The following EMILIN3 variants were observed in gnomAD, a reference collection of about 807,000 sequenced individuals.
The protein encoded by EMILIN3 is EMILIN-3.
In EMILIN3, 38 loss-of-function variants were observed where a neutral mutation model predicts 42.8. The observed-to-expected ratio is 0.89, with a 90% CI of 0.69 to 1.16. The LOEUF is 1.16. Ranked by LOEUF, EMILIN3 falls within the 50% of genes most tolerant of loss-of-function variation. EMILIN3 has a pLI of 0.00. For missense variants in EMILIN3, 924 were observed against 999.5 expected (o/e 0.92, Z 1.02); for synonymous variants, 430 against 440.5 (o/e 0.98, Z 0.30).
chr20:41,366,327 G>A lies in EMILIN3; in HGVS notation c.167+141C>T. On this transcript the variant is annotated intron_variant, in intron 1 of 3. Coordinates refer to ENST00000332312, the MANE Select transcript of EMILIN3 (RefSeq NM_052846.2). The surrounding 1 kb of genome is among the most constrained non-coding windows in gnomAD (Gnocchi z 4.2). ...AGGGCGCTCGCCTGGGCAGGGGCTCGGCCCCGGGCGCCGCCCCCTCTGTGC... is the reference window on the plus strand; with the variant it reads ...AGGGCGCTCGCCTGGGCAGGGGCTCAGCCCCGGGCGCCGCCCCCTCTGTGC... 2 of 572,726 alleles carry A rather than the reference G, an allele frequency of 3.5e-6. No homozygotes were observed. Among genetic ancestry groups the A allele is most frequent in the Non-Finnish European group, 4.6e-6 (2 of 435,818 alleles). The allele number at this position is 572,726 out of a possible 1,614,324, so 35.5% of individuals were successfully genotyped here.
chr20:41,365,161 C>T lies in EMILIN3; in HGVS notation c.168-4G>A. 6 of 1,613,496 alleles carry T rather than the reference C, an allele frequency of 3.7e-6. No individual in the cohort carries two copies. The highest frequency in any genetic ancestry group is 5.1e-6 in the Non-Finnish European group (6 of 1,179,678). On this transcript the variant is annotated splice_polypyrimidine_tract_variant and splice_region_variant and intron_variant, in intron 1 of 3. Coordinates refer to ENST00000332312, the MANE Select transcript of EMILIN3 (RefSeq NM_052846.2). ...CACCACATAGGCACAGAGGGCCCTA[C>T]AGGAGAAAATGGCACCCCTGGAATA...
At position 41,366,312 on chromosome 20, in the gene EMILIN3, C is replaced by T. The variant is rs559253691; in HGVS notation, c.167+156G>A. On this transcript the variant is annotated intron_variant, in intron 1 of 3. Coordinates refer to ENST00000332312, the MANE Select transcript of EMILIN3 (RefSeq NM_052846.2). The surrounding 1 kb of genome is among the most constrained non-coding windows in gnomAD (Gnocchi z 4.2). ...AACCTCCCGGAGCGTAGGGCGCTCG[C>T]CTGGGCAGGGGCTCGGCCCCGGGCG... is the stretch of plus-strand genomic sequence containing the variant. 6.6e-6 allele frequency among the ~76,000 whole-genome samples: 1 copy of T among 151,860 alleles called. No homozygotes were observed. The highest frequency in any genetic ancestry group is 1.5e-5 in the Non-Finnish European group (1 of 67,834).
intron 2 of EMILIN3, 97 bp downstream of exon 2, chr20:41,364,938 A>G (rs945906809): frequency 2.4e-4 from 370 of 1,555,288 alleles, no homozygotes; most frequent in Non-Finnish European, 3.1e-4. Context: ...CTGGAGTCCA[A>G]GAAGCCCCTT....
rs1414349561 is a variant in EMILIN3 at position 41,360,618 on chromosome 20, G to A, written c.*650C>T. 1 of 152,918 alleles carries A rather than the reference G, an allele frequency of 6.5e-6. No homozygotes were observed. The highest frequency in any genetic ancestry group is 1.5e-5 in the Non-Finnish European group (1 of 68,258). 9.5% of individuals were successfully genotyped at this position (152,918 alleles called of 1,614,324 possible). A position where few individuals can be genotyped will look rare whatever the true frequency, so the allele number is the denominator to read the frequency against. ...TTCTGTTCTGTCCTGAAGGACACGTGAGGAGCCAGAAACATCTGGCAGCCT... is the reference window on the plus strand; with the variant it reads ...TTCTGTTCTGTCCTGAAGGACACGTAAGGAGCCAGAAACATCTGGCAGCCT... On this transcript the variant is annotated 3_prime_UTR_variant, in exon 4 of 4. Coordinates refer to ENST00000332312, the MANE Select transcript of EMILIN3 (RefSeq NM_052846.2).
intron 2 of EMILIN3, among the ~76,000 whole-genome samples, chr20:41,364,218 GAC>G (rs1385734728): frequency 6.6e-6 from 1 of 152,162 alleles, no homozygotes; most frequent in Non-Finnish European, 1.5e-5. Flanking sequence ...GGGAGAATCA[GAC>G]ACAGCCCCAG....
chr20:41,361,170 G>T lies in EMILIN3; in HGVS notation c.*98C>A. The T allele has an allele frequency of 8.0e-7, 1 of 1,251,774 alleles. No homozygotes were observed. The highest frequency in any genetic ancestry group is 1.1e-6 in the Non-Finnish European group (1 of 924,506). The allele number at this position is 1,251,774 out of a possible 1,614,324, so 77.5% of individuals were successfully genotyped here. The stretch of plus-strand genomic sequence containing the variant: ...GGCCTCCTTAGTGCCATTTGGGCTA[G>T]CCAGGGAAGGCTGGAAGGCGCTGCT... On this transcript the variant is annotated 3_prime_UTR_variant, in exon 4 of 4. Coordinates refer to ENST00000332312, the MANE Select transcript of EMILIN3 (RefSeq NM_052846.2).
At chr20:41,363,575 C>G (rs970242571) in intron 3 of EMILIN3, 63 bp downstream of exon 3, 41 of 1,491,028 alleles carry the variant, frequency 2.7e-5, no homozygotes, top group Non-Finnish European at 3.4e-5. Flanking sequence ...AGTCCCCTCC[C>G]TGCCCCTGCC....
chr20:41,362,548 A>C lies in EMILIN3; in HGVS notation c.1021T>G (p.Cys341Gly). 1 of 1,598,536 alleles carries C rather than the reference A, an allele frequency of 6.3e-7. No individual in the cohort carries two copies. Among genetic ancestry groups the C allele is most frequent in the East Asian group, 2.2e-5 (1 of 44,756 alleles). Reference protein sequence around the residue: ...DLRVQEVRRQCEEGQAASRRL... With the variant: ...DLRVQEVRRQGEEGQAASRRL... ...CGGCTGGCGGCCTGACCCTCCTCACATTGCCGCCGTACCTCCTGCACCCGC... is the reference window on the plus strand; with the variant it reads ...CGGCTGGCGGCCTGACCCTCCTCACCTTGCCGCCGTACCTCCTGCACCCGC... The change falls in exon 4 of 4, where the codon TGT becomes GGT. Residue 341 changes from cysteine to glycine, a missense_variant. Physicochemically the swap from Cys to Gly is radical, Grantham distance 159. Coordinates refer to ENST00000332312, the MANE Select transcript of EMILIN3 (RefSeq NM_052846.2).
rs750415002 is a variant in EMILIN3, at chr20:41,362,644, G to A, written c.925C>T (p.His309Tyr). ...LLEEYVDRRL[H>Y]RLWGSLLDGF... ...TCCAGCAGGCTCCCCCAGAGTCGGT[G>A]CAGCCGTCGGTCCACGTACTCCTCC... The change falls in exon 4 of 4, where the codon CAC becomes TAC. Residue 309 changes from histidine (H) to tyrosine (Y), a missense_variant. Transcript: ENST00000332312. 1.2e-6 allele frequency: 2 copies of A among 1,608,006 alleles called. No homozygotes were observed.
rs1406662348 is a variant in EMILIN3 at position 41,362,959 on chromosome 20, C to T, written c.610G>A (p.Val204Met). 1 of 1,613,482 alleles carries T rather than the reference C, an allele frequency of 6.2e-7. No individual in the cohort carries two copies. ...AQTYGTLSGLVASHEDPNRMT... is the reference protein window; with the variant it reads ...AQTYGTLSGLMASHEDPNRMT... ...CTGTTGGGATCCTCGTGGCTAGCCA[C>T]CAGGCCACTGAGGGTACCATATGTT... The change falls in exon 4 of 4, where the codon GTG (valine) becomes ATG (methionine). Residue 204 changes from valine to methionine, a missense_variant. Transcript: ENST00000332312.
At chr20:41,364,604 C>T (rs1401770128) in intron 2 of EMILIN3, among the ~76,000 whole-genome samples, 3 of 152,210 alleles carry the variant, frequency 2.0e-5, no homozygotes, top group African/African-American at 7.2e-5. Context: ...CCTCTCCCTG[C>T]CCCATGGCCT....
Position 41,361,105 on chromosome 20 carries a change from T to G in EMILIN3, c.*163A>C. 6.1e-6 allele frequency: 4 copies of G among 660,450 alleles called. No homozygotes were observed. Among genetic ancestry groups the G allele is most frequent in the Non-Finnish European group, 1.0e-5 (4 of 397,612 alleles). The allele number at this position is 660,450 out of a possible 1,614,324, so 40.9% of individuals were successfully genotyped here. A position where few individuals can be genotyped will look rare whatever the true frequency, so the allele number is the denominator to read the frequency against. ...CAGTTTCTGCAGCACTGTGCATGGG[T>G]TTTGGTGGCTGGGACAGCCACGTGG... is the stretch of plus-strand genomic sequence containing the variant. On this transcript the variant is annotated 3_prime_UTR_variant, in exon 4 of 4. Coordinates refer to ENST00000332312, the MANE Select transcript of EMILIN3 (RefSeq NM_052846.2).
Position 41,361,844 on chromosome 20 carries a change from C to T in EMILIN3, c.1725G>A (p.Gly575=). ...TCTCGCCTTGAAGTGAGCTGCCCGT[C>T]CCTTCTGCCAGCTGTCCCTGGACCT... ...VAEVQGQLAE[G]TGSSLQGEIT... is the part of the protein sequence containing the mutation. The change falls in exon 4 of 4, where the codon GGG becomes GGA. Residue 575 remains glycine (G), a synonymous_variant. Coordinates refer to ENST00000332312, the MANE Select transcript of EMILIN3 (RefSeq NM_052846.2). The T allele has an allele frequency of 6.2e-7, 1 of 1,613,588 alleles. No individual in the cohort carries two copies. The highest frequency in any genetic ancestry group is 8.5e-7 in the Non-Finnish European group (1 of 1,180,050).
At position 41,365,025 on chromosome 20, in the gene EMILIN3, G is replaced by A. The variant is rs201531818; in HGVS notation, c.290+10C>T. On this transcript the variant is annotated intron_variant, in intron 2 of 3. Coordinates refer to ENST00000332312, the MANE Select transcript of EMILIN3 (RefSeq NM_052846.2). ...GGGATTCCAAGTGTGTAGGTGAGGA[G>A]TGCACTTACGTGACTGTCCCGGGGC... 6.2e-7 allele frequency: 1 copy of A among 1,613,548 alleles called. No homozygotes were observed.
intron 3 of EMILIN3, 44 bp from the exon 4 acceptor site, chr20:41,363,098 C>T (rs117213816): frequency 0.012 from 17,550 of 1,444,372 alleles, 190 homozygotes; most frequent in Non-Finnish European, 0.013. Context: ...TGGCCTCACC[C>T]TCTCAGCTTG....
In EMILIN3 at chr20:41,362,322, G is replaced by C. The variant is rs776734689; in HGVS notation, c.1247C>G (p.Ala416Gly). 2 of 1,611,952 alleles carry C rather than the reference G, an allele frequency of 1.2e-6. No homozygotes were observed. Among genetic ancestry groups the C allele is most frequent in the Non-Finnish European group, 1.7e-6 (2 of 1,179,810 alleles). ...TETQRGPGAPAGDELTRLSAA... is the reference protein window; with the variant it reads ...TETQRGPGAPGGDELTRLSAA... ...AGAGAGCCTCGTAAGCTCATCCCCG[G>C]CCGGGGCACCGGGGCCCCTTTGGGT... Residue 416 changes from alanine (A) to glycine (G), a missense_variant, in exon 4 of 4, where the codon GCC (alanine) becomes GGC (glycine). Transcript: ENST00000332312.
chr20:41,362,152 G>C lies in EMILIN3; in HGVS notation c.1417C>G (p.Arg473Gly), dbSNP rs142119919. The change falls in exon 4 of 4, where the codon CGC becomes GGC. Residue 473 changes from arginine (R) to glycine (G), a missense_variant. Physicochemically the swap from Arg to Gly is moderately radical, Grantham distance 125. Coordinates refer to ENST00000332312, the MANE Select transcript of EMILIN3 (RefSeq NM_052846.2). ...VGGFGTMLEE[R>G]VQSLEERLAT... The stretch of plus-strand genomic sequence containing the variant: ...AGGCGCTCCTCGAGGCTCTGCACGC[G>C]CTCTTCCAGCATGGTCCCAAAGCCG... The C allele has an allele frequency of 6.2e-7, 1 of 1,610,772 alleles. No individual in the cohort carries two copies. The highest frequency in any genetic ancestry group is 8.5e-7 in the Non-Finnish European group (1 of 1,178,210).
At position 41,362,477 on chromosome 20, in the gene EMILIN3, C is replaced by T. The variant is rs1370285661; in HGVS notation, c.1092G>A (p.Gln364=). 6.3e-7 allele frequency: 1 copy of T among 1,599,524 alleles called. No homozygotes were observed. The highest frequency in any genetic ancestry group is 8.5e-7 in the Non-Finnish European group (1 of 1,179,478). ...GCTGGCTGCCCAGCTGTGACAGCTC[C>T]TGGCGCAGGGCCAGCTCCCGGCCAT... ...SLDGRELALR[Q]ELSQLGSQLQ... Residue 364 remains glutamine (Q), a synonymous_variant, in exon 4 of 4, where the codon CAG becomes CAA. Transcript: ENST00000332312.
chr20:41,361,980 A>G lies in EMILIN3; in HGVS notation c.1589T>C (p.Leu530Pro), dbSNP rs750293313. The change falls in exon 4 of 4, where the codon CTG becomes CCG. Residue 530 changes from leucine to proline, a missense_variant. Leu to Pro is a moderately conservative substitution (Grantham distance 98). Coordinates refer to ENST00000332312, the MANE Select transcript of EMILIN3 (RefSeq NM_052846.2). ...CTTCACCTCTGCCACGAGGCTGTCC[A>G]GGATGGCTGAGGTGGTGCTCGGGGT... The part of the protein sequence containing the change: ...SCTPSTTSAI[L>P]DSLVAEVKAW... The G allele has an allele frequency of 4.3e-6, 7 of 1,611,960 alleles. No homozygotes were observed. The South Asian group carries it at 6.6e-5, about 15-fold the overall frequency.
Sources: gnomAD v4.1 joint callset for allele counts (sites outside exome capture counted in the v4.1 genomes callset) on GRCh38, gnomAD v4.1.1 for gene constraint, Gnocchi (gnomAD v3.1) non-coding constraint, MANE v1.5 for transcripts, NCBI Gene and HGNC (gene_info 2026-07-23, HGNC 2026-07-21) for gene names.